Variants in WASF1 observed in about 807,000 individuals in gnomAD.
WASF1 encodes the protein actin-binding protein WASF1.
WASF1 carries 7 observed loss-of-function variants against 50.5 expected under a neutral mutation model. The ratio of observed to expected loss-of-function variants is 0.14; its 90% confidence interval spans 0.08 to 0.26. The LOEUF is 0.26. Ranked by LOEUF, WASF1 falls within the 10% of genes least tolerant of loss-of-function variation. WASF1 has a pLI of 1.00. For synonymous variants in WASF1, 205 were observed against 244.0 expected, an observed-to-expected ratio of 0.84 and a Z score of 1.49; for missense variants, 470 against 694.7, an observed-to-expected ratio of 0.68 and a Z score of 3.64.
chr6:110,144,043 C>T (rs568341867), intron 3 of WASF1, among the ~76,000 whole-genome samples: 1 of 152,268 alleles, frequency 6.6e-6, no homozygotes, highest in African/African-American at 2.4e-5. Flanking sequence ...ACCACACCGA[C>T]TTCCACAATG....
At chr6:110,171,472 G>T (rs897093521) in intron 2 of WASF1, among the ~76,000 whole-genome samples, 1 of 152,108 alleles carries the variant, frequency 6.6e-6, no homozygotes, top group Non-Finnish European at 1.5e-5. Flanking sequence ...TATACAGACG[G>T]TCCGCAGTTT....
At chr6:110,133,287 T>C (rs1034295768) in intron 3 of WASF1, among the ~76,000 whole-genome samples, 1 of 152,094 alleles carries the variant, frequency 6.6e-6, no homozygotes, top group Non-Finnish European at 1.5e-5. Flanking sequence ...AATTACAAAT[T>C]GTGCTGCTAT....
chr6:110,169,985 C>A (rs931027762), intron 2 of WASF1, among the ~76,000 whole-genome samples: 6 of 151,882 alleles, frequency 4.0e-5, no homozygotes, highest in Non-Finnish European at 5.9e-5. Context: ...TGCAGAAAAC[C>A]AAAGACAAAG....
At chr6:110,140,045 T>G (rs1332968435) in intron 3 of WASF1, among the ~76,000 whole-genome samples, 2 of 152,196 alleles carry the variant, frequency 1.3e-5, no homozygotes, top group African/African-American at 4.8e-5. Context: ...TGCTTTTTTG[T>G]AGGATTGGGG....
chr6:110,171,577 C>T (rs1030913234), intron 2 of WASF1, among the ~76,000 whole-genome samples: 1 of 151,886 alleles, frequency 6.6e-6, no homozygotes, highest in Non-Finnish European at 1.5e-5. Flanking sequence ...CCATAAAAAC[C>T]CTAGAAGAAA....
At chr6:110,130,266 T>C (rs1774603566) in intron 3 of WASF1, among the ~76,000 whole-genome samples, 1 of 152,226 alleles carries the variant, frequency 6.6e-6, no homozygotes, top group African/African-American at 2.4e-5. Flanking sequence ...AACTCTCATG[T>C]AACCCCATTA....
chr6:110,116,536 G>C (rs1773817692), intron 4 of WASF1, among the ~76,000 whole-genome samples: 2 of 151,926 alleles, frequency 1.3e-5, no homozygotes, highest in South Asian at 4.1e-4. Flanking sequence ...AAAGAGGCCG[G>C]TAAGCTTGAA....
intron 2 of WASF1, among the ~76,000 whole-genome samples, chr6:110,172,942 C>T (rs1776778938): frequency 1.3e-5 from 2 of 152,110 alleles, no homozygotes; most frequent in South Asian, 2.1e-4. Context: ...GAAGTGAGTG[C>T]TAGTCTTCAT....
chr6:110,137,209 A>G (rs996618455), intron 3 of WASF1, among the ~76,000 whole-genome samples: 3 of 152,122 alleles, frequency 2.0e-5, no homozygotes, highest in Non-Finnish European at 4.4e-5. Flanking sequence ...GTTCCATAAA[A>G]CCTATTAAAT....
intron 3 of WASF1, among the ~76,000 whole-genome samples, chr6:110,145,397 A>G (rs1201201719): frequency 1.3e-5 from 2 of 152,194 alleles, no homozygotes; most frequent in East Asian, 1.9e-4. Flanking sequence ...CAATCATGTC[A>G]TCTGCAAACA....
intron 3 of WASF1, among the ~76,000 whole-genome samples, chr6:110,148,956 G>C (rs1243807258): frequency 6.6e-6 from 1 of 152,154 alleles, no homozygotes; most frequent in African/African-American, 2.4e-5. Flanking sequence ...ACTTTCTATA[G>C]TCAGCCAAAA....
chr6:110,133,562 ATTTTT>A (rs1213969711), intron 3 of WASF1, among the ~76,000 whole-genome samples: 1 of 151,670 alleles, frequency 6.6e-6, no homozygotes, highest in Non-Finnish European at 1.5e-5. Flanking sequence ...TTGTTTTTTG[ATTTTT>A]TTTATTATGG....
In WASF1 at chr6:110,114,369, G is replaced by A. The variant is rs146473560; in HGVS notation, c.134-909C>T. The stretch of plus-strand genomic sequence containing the variant: ...CCCCAGATTGAGGTCTACAGCTGTG[G>A]TTGCTTAGCATTTCAAGATAAATGA... On this transcript the variant is annotated intron_variant, in intron 4 of 10. Transcript: ENST00000392589. Among the ~76,000 whole-genome samples, 1,081 of 152,212 alleles carry A rather than the reference G, an allele frequency of 7.1e-3. 18 individuals are homozygous for A. Among genetic ancestry groups the A allele is most frequent in the African/African-American group, 0.025 (1,040 of 41,536 alleles).
At chr6:110,152,895 G>A (rs912765256) in intron 3 of WASF1, among the ~76,000 whole-genome samples, 1 of 152,080 alleles carries the variant, frequency 6.6e-6, no homozygotes, top group African/African-American at 2.4e-5. Context: ...TTTCTCCTTT[G>A]TAATCCCTTC....
rs1377036936 is a variant in WASF1, at chr6:110,127,450, T to C, written c.133+19A>G. ...AACATTCTGGTTTGTGAGTATATTT[T>C]TAATTGATATATACTTACTTAGGCT... On this transcript the variant is annotated intron_variant, in intron 4 of 10. Transcript: ENST00000392589. 13 of 1,548,312 alleles carry C rather than the reference T, an allele frequency of 8.4e-6. No homozygotes were observed. The highest frequency in any genetic ancestry group is 1.4e-5 in the African/African-American group (1 of 72,022).
chr6:110,103,463 T>C lies in WASF1; in HGVS notation c.808A>G (p.Arg270Gly), dbSNP rs1773182593. 1 of 1,614,080 alleles carries C rather than the reference T, an allele frequency of 6.2e-7. No individual in the cohort carries two copies. The highest frequency in any genetic ancestry group is 8.5e-7 in the Non-Finnish European group (1 of 1,179,954). ...MSELLTRAEERVLVRPHEPPP... is the reference protein window; with the variant it reads ...MSELLTRAEEGVLVRPHEPPP... ...GGTTCATGTGGTCTGACTAATACCC[T>C]TTCCTCAGCTCTAGTCAGAAGCTCA... The change falls in exon 9 of 11, where the codon AGG becomes GGG. Residue 270 changes from arginine to glycine, a missense_variant. Around this residue, in one of 3 missense-constraint regions of WASF1, gnomAD observed 294 missense variants for 343.5 expected, o/e 0.86. Transcript: ENST00000392589.
At chr6:110,171,885 C>T (rs1045623690) in intron 2 of WASF1, among the ~76,000 whole-genome samples, 15 of 152,126 alleles carry the variant, frequency 9.9e-5, no homozygotes, top group African/African-American at 3.4e-4. Flanking sequence ...TATGAACAGA[C>T]ACTTCTCAAA....
chr6:110,145,109 T>C (rs1775489063), intron 3 of WASF1, among the ~76,000 whole-genome samples: 1 of 152,180 alleles, frequency 6.6e-6, no homozygotes, highest in Non-Finnish European at 1.5e-5. Context: ...TGTTCTTCCA[T>C]TTGTTTGTAT....
chr6:110,167,767 A>G (rs1387166451), intron 2 of WASF1, among the ~76,000 whole-genome samples: 1 of 152,062 alleles, frequency 6.6e-6, no homozygotes, highest in Non-Finnish European at 1.5e-5. Flanking sequence ...TAGAAACAAC[A>G]TAATTAAAAA....
Sources: gnomAD v4.1 joint callset for allele counts (sites outside exome capture counted in the v4.1 genomes callset) on GRCh38, gnomAD v4.1.1 for gene constraint, gnomAD v4.1.1 regional missense constraint, MANE v1.5 for transcripts, NCBI Gene and HGNC (gene_info 2026-07-23, HGNC 2026-07-21) for gene names.